The following ADCY3 variants were observed in gnomAD, a reference collection of about 807,000 sequenced individuals.
The protein encoded by ADCY3 is adenylate cyclase type 3.
Under a neutral mutation model 119.4 loss-of-function variants are expected in ADCY3, and 70 were observed. That is an observed-to-expected ratio of 0.59 (90% CI 0.48 to 0.72). ADCY3 has a LOEUF of 0.72. Ranked by LOEUF, ADCY3 falls within the 30% of genes least tolerant of loss-of-function variation. ADCY3 has a pLI of 0.00. For synonymous variants in ADCY3, 672 were observed against 621.4 expected (o/e 1.08, Z -1.21); for missense variants, 1,238 against 1,541.6 (o/e 0.80, Z 3.30).
intron 3 of ADCY3, among the ~76,000 whole-genome samples, chr2:24,860,994 C>G (rs541840888): frequency 6.6e-6 from 1 of 152,184 alleles, no homozygotes; most frequent in South Asian, 2.1e-4. Flanking sequence ...CTCACGACTG[C>G]AATCCCAGCA....
rs767933376 is a variant in ADCY3 at position 24,822,614 on chromosome 2, T to A, written c.2900A>T (p.Lys967Met). ...SDFDSLLDNP[K>M]FRVITKIKTI... ...TTTGATCTTGGTGATCACCCGGAAC[T>A]TGGGATTGTCCAGGAGCTGAGGCCA... The change falls in exon 19 of 22, where the codon AAG (lysine) becomes ATG (methionine). Residue 967 changes from lysine to methionine, a missense_variant. Transcript: ENST00000679454. 3.1e-6 allele frequency: 5 copies of A among 1,613,978 alleles called. No individual in the cohort carries two copies. The highest frequency in any genetic ancestry group is 1.7e-5 in the Admixed American group (1 of 60,002).
rs771317666 is a variant in ADCY3, at chr2:24,841,648, C to A, written c.976G>T (p.Val326Leu). The change falls in exon 5 of 22, where the codon GTG becomes TTG. Residue 326 changes from valine (V) to leucine (L), a missense_variant. Val to Leu is a conservative substitution (Grantham distance 32). Coordinates refer to ENST00000679454, the MANE Select transcript of ADCY3 (RefSeq NM_004036.5). The surrounding 1 kb of genome is among the most constrained non-coding windows in gnomAD (Gnocchi z 5.8). ...ENVSILFADIVGFTQLSSACS... is the reference protein window; with the variant it reads ...ENVSILFADILGFTQLSSACS... ...GCAGAAGACAGCTGGGTAAAGCCCA[C>A]GATGTCGGCAAAGAGGATGCTGCAT... 1 of 1,613,536 alleles carries A rather than the reference C, an allele frequency of 6.2e-7. No individual in the cohort carries two copies.
chr2:24,825,915 G>GCT lies in ADCY3; in HGVS notation c.2577+128_2577+129dup, dbSNP rs1668553814. Reference sequence around the variant, plus strand: ...ATAGAGAAGGCGGTGGCCTGACCAGGCTCACGTGTGGGGCTGGGTGAAGGG... The same window carrying GCT: ...ATAGAGAAGGCGGTGGCCTGACCAGGCTCTCACGTGTGGGGCTGGGTGAAGGG... On this transcript the variant is annotated intron_variant, in intron 16 of 21. Transcript: ENST00000679454. 5 of 834,060 alleles carry GCT rather than the reference G, an allele frequency of 6.0e-6. No homozygotes were observed. The South Asian group carries it at 7.5e-5, about 12-fold the overall frequency. The allele number at this position is 834,060 out of a possible 1,614,324, so 51.7% of individuals were successfully genotyped here. A position where few individuals can be genotyped will look rare whatever the true frequency, so the allele number is the denominator to read the frequency against.
intron 3 of ADCY3, among the ~76,000 whole-genome samples, chr2:24,850,150 C>T (rs570512114): frequency 5.9e-5 from 9 of 152,218 alleles, no homozygotes; most frequent in African/African-American, 2.2e-4. Context: ...CCCCTGGCCC[C>T]TGCCCAGGGG....
intron 3 of ADCY3, among the ~76,000 whole-genome samples, chr2:24,851,736 C>A (rs1006655373): frequency 4.7e-4 from 72 of 152,194 alleles, no homozygotes; most frequent in Non-Finnish European, 5.4e-4. Context: ...GCTCTTAAGG[C>A]TTAAAACTTC....
chr2:24,918,785 G>A lies in ADCY3; in HGVS notation c.203C>T (p.Thr68Ile), dbSNP rs374741957. ...CTCGTGGCGCTGCCTTTTGAAGTAG[G>A]TCTGGTAGAGGTTCTCCAAGGACTC... is the stretch of plus-strand genomic sequence containing the variant. The part of the protein sequence containing the change: ...VPESLENLYQ[T>I]YFKRQRHETL... Residue 68 changes from threonine to isoleucine, a missense_variant, in exon 2 of 22, where the codon ACC becomes ATC. Thr to Ile is a moderately conservative substitution (Grantham distance 89, BLOSUM62 -1). This residue lies in a region of ADCY3 where 227 missense variants were observed against 249.3 expected (regional missense o/e 0.91). Coordinates refer to ENST00000679454, the MANE Select transcript of ADCY3 (RefSeq NM_004036.5). The surrounding 1 kb of genome is among the most constrained non-coding windows in gnomAD (Gnocchi z 5.4). 6.2e-7 allele frequency: 1 copy of A among 1,614,014 alleles called. No homozygotes were observed. The highest frequency in any genetic ancestry group is 1.7e-5 in the Admixed American group (1 of 60,020).
chr2:24,830,681 C>T, intron 13 of ADCY3, 28 bp downstream of exon 13: 1 of 1,577,280 alleles, frequency 6.3e-7, no homozygotes, highest in Non-Finnish European at 8.7e-7. Context: ...ACAGGGGCGT[C>T]CCTTCAACAA....
intron 20 of ADCY3, 173 bp from the exon 21 acceptor site, chr2:24,821,021 C>T (rs1391033541): frequency 4.3e-6 from 4 of 937,582 alleles, no homozygotes; most frequent in East Asian, 2.8e-5. Flanking sequence ...CCTGTTTATC[C>T]GTGTGCTTGT....
At chr2:24,820,614 G>T in intron 21 of ADCY3, 110 bp downstream of exon 21, 1 of 1,538,024 alleles carries the variant, frequency 6.5e-7, no homozygotes, top group Non-Finnish European at 8.8e-7. Flanking sequence ...TCTGCCTCTG[G>T]ACTTACTGTT....
chr2:24,843,930 G>A (rs1448398409), intron 3 of ADCY3, among the ~76,000 whole-genome samples: 2 of 152,228 alleles, frequency 1.3e-5, no homozygotes, highest in Non-Finnish European at 2.9e-5. Context: ...TCCCTGAGGG[G>A]AGGAGGGTGA....
At chr2:24,875,989 G>C (rs865939342) in intron 2 of ADCY3, among the ~76,000 whole-genome samples, 10 of 150,820 alleles carry the variant, frequency 6.6e-5, no homozygotes, top group African/African-American at 7.4e-5. Flanking sequence ...TTCTTTTTGG[G>C]AGGGGGGCGG....
chr2:24,877,299 C>A (rs1280062128), intron 2 of ADCY3, among the ~76,000 whole-genome samples: 1 of 152,174 alleles, frequency 6.6e-6, no homozygotes, highest in African/African-American at 2.4e-5. Context: ...CCCCTCCCCC[C>A]TTCAGCCTCT....
intron 19 of ADCY3, 117 bp downstream of exon 19, chr2:24,822,394 G>A (rs1482022904): frequency 7.3e-7 from 1 of 1,364,344 alleles, no homozygotes; most frequent in Non-Finnish European, 1.0e-6. Context: ...GGTGCTGGTG[G>A]TGTGTGTCTG....
Position 24,836,097 on chromosome 2 carries a change from G to A in ADCY3, c.1662+820C>T, listed in dbSNP as rs184930694. On this transcript the variant is annotated intron_variant, in intron 9 of 21. Transcript: ENST00000679454. ...GGGAACCTGTTCCTGAAGCAGATCC[G>A]GGAGCAGCGTGGCCCTGGCTGAGGG... Among the ~76,000 whole-genome samples the A allele has an allele frequency of 6.1e-3, 936 of 152,280 alleles. 8 individuals are homozygous for A. The highest frequency in any genetic ancestry group is 9.4e-3 in the Non-Finnish European group (639 of 68,018).
chr2:24,858,633 G>A (rs1332084779), intron 3 of ADCY3, among the ~76,000 whole-genome samples: 1 of 152,112 alleles, frequency 6.6e-6, no homozygotes, highest in East Asian at 1.9e-4. Context: ...TATAAAATGC[G>A]CCACAACCCT....
At chr2:24,828,823 C>T (rs1358576671) in intron 13 of ADCY3, among the ~76,000 whole-genome samples, 1 of 152,216 alleles carries the variant, frequency 6.6e-6, no homozygotes, top group East Asian at 1.9e-4. Context: ...TGAGTGACAG[C>T]ATCTCCAGGT....
At chr2:24,875,008 C>A (rs552710428) in intron 2 of ADCY3, among the ~76,000 whole-genome samples, 3 of 152,162 alleles carry the variant, frequency 2.0e-5, no homozygotes, top group East Asian at 1.9e-4. Flanking sequence ...GGCTGCACAG[C>A]AGGTCTTAGG....
intron 3 of ADCY3, among the ~76,000 whole-genome samples, chr2:24,871,915 C>T (rs1675060039): frequency 6.6e-6 from 1 of 152,344 alleles, no homozygotes; most frequent in African/African-American, 2.4e-5. Context: ...GAGGCAGGGA[C>T]AGCGAGGCCT....
Position 24,831,689 on chromosome 2 carries a change from G to A in ADCY3, c.2028C>T (p.Ile676=), listed in dbSNP as rs759463674. 1 of 1,614,102 alleles carries A rather than the reference G, an allele frequency of 6.2e-7. No individual in the cohort carries two copies. Among genetic ancestry groups the A allele is most frequent in the Non-Finnish European group, 8.5e-7 (1 of 1,180,020 alleles). The change falls in exon 12 of 22, where the codon ATC becomes ATT. Residue 676 remains isoleucine (I), a synonymous_variant. Transcript: ENST00000679454. ...GGGGAAAGATGGCAGCCAGGGAGCA[G>A]ATGGTCAGGATGAGGAGCAGAATCT... ...VGEILLLILT[I]CSLAAIFPRA...
Sources: allele counts gnomAD v4.1 joint callset (sites outside exome capture counted in the v4.1 genomes callset), GRCh38; gene constraint gnomAD v4.1.1; regional missense constraint gnomAD v4.1.1; non-coding constraint Gnocchi (gnomAD v3.1); transcripts MANE v1.5; gene names NCBI Gene and HGNC (gene_info 2026-07-23, HGNC 2026-07-21).